SEPTIN1: variants seen among roughly 807,000 people sequenced by gnomAD.
The protein encoded by SEPTIN1 is septin-1.
SEPTIN1 carries 52 observed loss-of-function variants against 50.7 expected under a neutral mutation model. That is an observed-to-expected ratio of 1.03 (90% CI 0.82 to 1.29). The LOEUF (loss-of-function observed/expected upper bound fraction) is 1.29. Among genes scored for constraint, SEPTIN1 ranks in the 50% most tolerant of loss-of-function variants. The pLI is 0.00. For missense variants in SEPTIN1, 455 were observed against 490.7 expected (o/e 0.93, Z 0.69); for synonymous variants, 204 against 189.1 (o/e 1.08, Z -0.65).
chr16:30,380,070 G>A, intron 6 of SEPTIN1, 37 bp from the exon 7 acceptor site: 1 of 1,554,220 alleles, frequency 6.4e-7, no homozygotes, highest in Non-Finnish European at 8.7e-7. Flanking sequence ...TGTGAAACGG[G>A]CCACAATGAC....
chr16:30,382,807 G>A (rs2049869566), upstream of SEPTIN1: 3 of 1,534,536 alleles, frequency 2.0e-6, no homozygotes, highest in South Asian at 3.6e-5. This position sits in a 1 kb window ranked among gnomAD's most constrained non-coding sequence, Gnocchi z 4.8. Context: ...TGAGACATGG[G>A]GTATGTGCAG....
At chr16:30,380,268 C>T in intron 6 of SEPTIN1, 1 of 303,944 alleles carries the variant, frequency 3.3e-6, no homozygotes, top group East Asian at 6.7e-5. Context: ...CAGGAGAAGC[C>T]TGGGCAATAT....
In SEPTIN1 at chr16:30,379,022, G is replaced by A; in HGVS notation, c.937C>T (p.Arg313Cys). ...ARPGARDRAS[R>C]SKLSRQSATE... is the part of the protein sequence containing the mutation. Reference sequence around the variant, plus strand: ...ACTGTCCGCCCCGGGTCTCACCTGCGGCTGGCTCGATCGCGAGCCCCAGGC... The same window carrying A: ...ACTGTCCGCCCCGGGTCTCACCTGCAGCTGGCTCGATCGCGAGCCCCAGGC... Residue 313 changes from arginine to cysteine, a missense_variant, in exon 9 of 11, where the codon CGC (arginine) becomes TGC (cysteine). Physicochemically the swap from Arg to Cys is radical, Grantham distance 180. Transcript: ENST00000321367. 1.2e-6 allele frequency: 2 copies of A among 1,612,742 alleles called. No individual in the cohort carries two copies. Among genetic ancestry groups the A allele is most frequent in the African/African-American group, 1.3e-5 (1 of 75,034 alleles).
In SEPTIN1 at chr16:30,381,301, C is replaced by G; in HGVS notation, c.455+38G>C. ...CAGGGGGCAGAGACCCCCCAGCCCTCCCTAAATGCGCCAGCCCCCAGGATC... is the reference window on the plus strand; with the variant it reads ...CAGGGGGCAGAGACCCCCCAGCCCTGCCTAAATGCGCCAGCCCCCAGGATC... On this transcript the variant is annotated intron_variant, in intron 5 of 10. Transcript: ENST00000321367. This position sits in a 1 kb window ranked among gnomAD's most constrained non-coding sequence, Gnocchi z 4.3. 1 of 1,610,664 alleles carries G rather than the reference C, an allele frequency of 6.2e-7. No individual in the cohort carries two copies. The highest frequency in any genetic ancestry group is 8.5e-7 in the Non-Finnish European group (1 of 1,177,298).
rs1388016405 is a variant in SEPTIN1, at chr16:30,378,350, G to T, written c.*84C>A. 3.0e-6 allele frequency: 4 copies of T among 1,313,112 alleles called. No homozygotes were observed. The highest frequency in any genetic ancestry group is 2.8e-5 in the South Asian group (2 of 71,460). 81.3% of individuals were successfully genotyped at this position (1,313,112 alleles called of 1,614,324 possible). On this transcript the variant is annotated 3_prime_UTR_variant, in exon 11 of 11. Transcript: ENST00000321367. ...GGGCGGCACCCGCGGAGGTCCCGGG[G>T]GGCGCTGGGCAGTGTGGGGCGCGGG...
chr16:30,382,732 T>C, upstream of SEPTIN1: 1 of 1,536,326 alleles, frequency 6.5e-7, no homozygotes, highest in Non-Finnish European at 8.7e-7. The surrounding 1 kb of genome is among the most constrained non-coding windows in gnomAD (Gnocchi z 4.8). Context: ...CCTGTCTACG[T>C]ACCTTCAACC....
Position 30,381,160 on chromosome 16 carries a change from CAG to C in SEPTIN1, c.538_539del (p.Leu180AspfsTer30). 6.2e-7 allele frequency: 1 copy of C among 1,614,112 alleles called. No individual in the cohort carries two copies. Among genetic ancestry groups the C allele is most frequent in the Non-Finnish European group, 8.5e-7 (1 of 1,180,000 alleles). ...TGAGGGCCTGGGTTTCCTGGGGCATCAGAGCATCCGCTTTGCCAATGACTGGG... is the reference window on the plus strand; with the variant it reads ...TGAGGGCCTGGGTTTCCTGGGGCATCAGCATCCGCTTTGCCAATGACTGGG... ...IIPVIGKADA[L>X]MPQETQALKQ... is the part of the protein sequence containing the mutation. On this transcript the variant is annotated frameshift_variant, in exon 6 of 11. Transcript: ENST00000321367. LOFTEE classifies it high-confidence loss of function. The surrounding 1 kb of genome is among the most constrained non-coding windows in gnomAD (Gnocchi z 4.3).
In SEPTIN1 at chr16:30,382,045, A is replaced by G; in HGVS notation, c.196+48T>C. 6.3e-7 allele frequency: 1 copy of G among 1,587,570 alleles called. No individual in the cohort carries two copies. The highest frequency in any genetic ancestry group is 8.6e-7 in the Non-Finnish European group (1 of 1,164,208). On this transcript the variant is annotated intron_variant, in intron 3 of 10. Coordinates refer to ENST00000321367, the MANE Select transcript of SEPTIN1 (RefSeq NM_001365977.2). The surrounding 1 kb of genome is among the most constrained non-coding windows in gnomAD (Gnocchi z 4.8). ...CCCCAGATGGAAAAGACTAGGGTGT[A>G]ACCTGGGGACAGGGGCTACTGCCTC...
rs772941508 is a variant in SEPTIN1, at chr16:30,379,442, G to A, written c.768C>T (p.Thr256=). ...PVRGRRYSWG[T]VEVENPHHCD... is the part of the protein sequence containing the mutation. ...CTGCCTGGCCTCACTCACCCTCCAC[G>A]GTCCCCCAGGAGTAGCGGCGTCCCC... The change falls in exon 8 of 11, where the codon ACC becomes ACT. Residue 256 remains threonine (T), a synonymous_variant. Transcript: ENST00000321367. The A allele has an allele frequency of 1.9e-6, 3 of 1,613,520 alleles. No homozygotes were observed. Among genetic ancestry groups the A allele is most frequent in the African/African-American group, 2.7e-5 (2 of 75,002 alleles).
At chr16:30,379,638 C>CTTTTTTT (rs2049813382) in intron 7 of SEPTIN1, 104 bp from the exon 8 acceptor site, 13 of 295,606 alleles carry the variant, frequency 4.4e-5, no homozygotes, top group South Asian at 2.3e-4. Flanking sequence ...CTGCCCCTTC[C>CTTTTTTT]TCTTTTTTTT....
rs114595573 is a variant in SEPTIN1, at chr16:30,381,667, T to A, written c.320+93A>T. ...GCCCTCTGAAACAGACACCACCTTT[T>A]GAGATAGGGAGCCAGCACAAACCAG... On this transcript the variant is annotated intron_variant, in intron 4 of 10. Coordinates refer to ENST00000321367, the MANE Select transcript of SEPTIN1 (RefSeq NM_001365977.2). This position sits in a 1 kb window ranked among gnomAD's most constrained non-coding sequence, Gnocchi z 4.3. 2 of 1,548,258 alleles carry A rather than the reference T, an allele frequency of 1.3e-6. No homozygotes were observed. Among genetic ancestry groups the A allele is most frequent in the East Asian group, 4.5e-5 (2 of 44,426 alleles).
At position 30,378,179 on chromosome 16, in the gene SEPTIN1, A is replaced by G; in HGVS notation, c.*255T>C. ...TTTTATTGAAGACAGAGTCTGGGAGAAGAAGGGGGACTCCGGAAGACAGTG... is the reference window on the plus strand; with the variant it reads ...TTTTATTGAAGACAGAGTCTGGGAGGAGAAGGGGGACTCCGGAAGACAGTG... On this transcript the variant is annotated 3_prime_UTR_variant, in exon 11 of 11. Transcript: ENST00000321367. The G allele has an allele frequency of 1.4e-6, 1 of 704,532 alleles. No individual in the cohort carries two copies. The highest frequency in any genetic ancestry group is 2.6e-6 in the Non-Finnish European group (1 of 391,650). The allele number at this position is 704,532 out of a possible 1,614,324, so 43.6% of individuals were successfully genotyped here.
intron 8 of SEPTIN1, 47 bp from the exon 9 acceptor site, chr16:30,379,230 T>A: frequency 6.2e-7 from 1 of 1,607,338 alleles, no homozygotes; most frequent in Non-Finnish European, 8.5e-7. Flanking sequence ...GAGTTTCGGG[T>A]CCAACCCACC....
upstream of SEPTIN1, chr16:30,382,721 A>G (rs1209966638): frequency 1.1e-5 from 17 of 1,535,854 alleles, no homozygotes; most frequent in Non-Finnish European, 1.5e-5. The surrounding 1 kb of genome is among the most constrained non-coding windows in gnomAD (Gnocchi z 4.8). Flanking sequence ...TTTGCCCATC[A>G]CCTGTCTACG....
At chr16:30,380,922 C>T in intron 6 of SEPTIN1, 1 of 612,262 alleles carries the variant, frequency 1.6e-6, no homozygotes, top group Non-Finnish European at 2.9e-6. Flanking sequence ...AGGCATCTAG[C>T]CCGGGGGCTG....
chr16:30,378,781 C>T, intron 9 of SEPTIN1, 81 bp from the exon 10 acceptor site: 1 of 1,342,984 alleles, frequency 7.4e-7, no homozygotes, highest in Admixed American at 2.2e-5. Flanking sequence ...GGGCCTGGGG[C>T]GAGGTTGGGG....
upstream of SEPTIN1, chr16:30,382,622 G>A (rs1379236815): frequency 9.7e-6 from 15 of 1,547,610 alleles, no homozygotes; most frequent in East Asian, 2.9e-4. This position sits in a 1 kb window ranked among gnomAD's most constrained non-coding sequence, Gnocchi z 4.8. Flanking sequence ...GGGCAGAAGA[G>A]GCAGCTGAGA....
rs1295217773 is a variant in SEPTIN1 at position 30,381,412 on chromosome 16, C to T, written c.382G>A (p.Gly128Ser). 1 of 1,613,986 alleles carries T rather than the reference C, an allele frequency of 6.2e-7. No individual in the cohort carries two copies. Among genetic ancestry groups the T allele is most frequent in the Admixed American group, 1.7e-5 (1 of 59,994 alleles). ...QFEQYLRDESGLNRKNIQDSR... is the reference protein window; with the variant it reads ...QFEQYLRDESSLNRKNIQDSR... ...TCCTGGATGTTCTTCCGGTTCAGGC[C>T]ACTCTCATCCCTAAGGTACTGCTCA... Residue 128 changes from glycine to serine, a missense_variant, in exon 5 of 11, where the codon GGC becomes AGC. Physicochemically the swap from Gly to Ser is moderately conservative, Grantham distance 56 (BLOSUM62 0). Coordinates refer to ENST00000321367, the MANE Select transcript of SEPTIN1 (RefSeq NM_001365977.2). The surrounding 1 kb of genome is among the most constrained non-coding windows in gnomAD (Gnocchi z 4.3).
At chr16:30,378,996 T>TA in intron 9 of SEPTIN1, 22 bp downstream of exon 9, 3 of 1,608,592 alleles carry the variant, frequency 1.9e-6, no homozygotes, top group Non-Finnish European at 2.5e-6. Context: ...GAGGCTCTGA[T>TA]ACTGTCCGCC....
Sources: allele counts gnomAD v4.1 joint callset, GRCh38; gene constraint gnomAD v4.1.1; non-coding constraint Gnocchi (gnomAD v3.1); transcripts MANE v1.5; gene names NCBI Gene and HGNC (gene_info 2026-07-23, HGNC 2026-07-21).